GABRR2: variants seen among roughly 807,000 people sequenced by gnomAD.
GABRR2 encodes gamma-aminobutyric acid receptor subunit rho-2.
A neutral mutation model predicts 47.0 loss-of-function variants in GABRR2; 36 were observed. That is an observed-to-expected ratio of 0.77 (90% CI 0.59 to 1.01). The LOEUF (loss-of-function observed/expected upper bound fraction) is 1.01. Ranked by LOEUF, GABRR2 falls within the 50% of genes least tolerant of loss-of-function variation. The pLI is 0.00. For synonymous variants in GABRR2, 204 were observed against 227.5 expected (o/e 0.90, Z 0.93); for missense variants, 587 against 594.6 (o/e 0.99, Z 0.13).
At chr6:89,274,846 C>A (rs1403147049) in intron 2 of GABRR2, among the ~76,000 whole-genome samples, 2 of 151,748 alleles carry the variant, frequency 1.3e-5, no homozygotes, top group Admixed American at 6.6e-5. Context: ...CCAGCATGGG[C>A]AATAGAGTGA....
intron 8 of GABRR2, among the ~76,000 whole-genome samples, chr6:89,259,887 T>C (rs1399748323): frequency 2.5e-4 from 37 of 147,218 alleles, no homozygotes; most frequent in Non-Finnish European, 3.4e-4. Context: ...CTCTCTCTTT[T>C]TTTTTTTTTT....
At position 89,257,592 on chromosome 6, in the gene GABRR2, G is replaced by T; in HGVS notation, c.*78C>A. The T allele has an allele frequency of 8.4e-7, 1 of 1,194,136 alleles. No individual in the cohort carries two copies. The highest frequency in any genetic ancestry group is 1.2e-6 in the Non-Finnish European group (1 of 850,242). The allele number at this position is 1,194,136 out of a possible 1,614,324, so 74.0% of individuals were successfully genotyped here. On this transcript the variant is annotated 3_prime_UTR_variant, in exon 9 of 9. Transcript: ENST00000402938. ...TGCATTGTTTGGTGAGGGGCGTGTGGTCAACAAGTCCGTCTGTCAATGACT... is the reference window on the plus strand; with the variant it reads ...TGCATTGTTTGGTGAGGGGCGTGTGTTCAACAAGTCCGTCTGTCAATGACT...
At chr6:89,298,082 G>GGAAACCCCCA (rs1774588298) in intron 2 of GABRR2, among the ~76,000 whole-genome samples, 1 of 152,080 alleles carries the variant, frequency 6.6e-6, no homozygotes, top group African/African-American at 2.4e-5. Context: ...ACGAATCCCC[G>GGAAACCCCCA]AGGAAACCCA....
chr6:89,266,826 A>G (rs1773907697), intron 6 of GABRR2, among the ~76,000 whole-genome samples: 1 of 151,418 alleles, frequency 6.6e-6, no homozygotes, highest in African/African-American at 2.4e-5. Context: ...CTCTCTCTTT[A>G]TTTTTTTGAA....
rs118059610 is a variant in GABRR2 at position 89,284,183 on chromosome 6, G to C, written c.221-12461C>G. Among the ~76,000 whole-genome samples the C allele has an allele frequency of 6.4e-3, 969 of 152,296 alleles. 9 individuals are homozygous for C. The highest frequency in any genetic ancestry group is 0.024 in the Middle Eastern group (7 of 294). Reference sequence around the variant, plus strand: ...CTTGGGAAGTACCAAGGGTACCTTGGGAGGGGGTGTGAGGGAGCCTTCTGG... The same window carrying C: ...CTTGGGAAGTACCAAGGGTACCTTGCGAGGGGGTGTGAGGGAGCCTTCTGG... On this transcript the variant is annotated intron_variant, in intron 2 of 8. Coordinates refer to ENST00000402938, the MANE Select transcript of GABRR2 (RefSeq NM_002043.5).
At chr6:89,259,057 T>G (rs944889676) in intron 8 of GABRR2, among the ~76,000 whole-genome samples, 5 of 151,940 alleles carry the variant, frequency 3.3e-5, no homozygotes, top group Non-Finnish European at 7.4e-5. Flanking sequence ...TATGACACTC[T>G]AAGTGGGAGG....
chr6:89,291,460 A>G, intron 2 of GABRR2, among the ~76,000 whole-genome samples: 1 of 151,256 alleles, frequency 6.6e-6, no homozygotes, highest in Non-Finnish European at 1.5e-5. Context: ...CCAGCTCTGC[A>G]CTCCCTCCTG....
intron 2 of GABRR2, among the ~76,000 whole-genome samples, chr6:89,282,825 T>TC (rs1190046452): frequency 2.0e-5 from 3 of 152,146 alleles, no homozygotes; most frequent in African/African-American, 7.2e-5. Context: ...CTCACCAGTC[T>TC]CCCCCTTCCA....
chr6:89,305,887 C>T (rs1441660296), intron 1 of GABRR2, among the ~76,000 whole-genome samples: 1 of 152,026 alleles, frequency 6.6e-6, no homozygotes, highest in Non-Finnish European at 1.5e-5. Context: ...ATCTGTACAA[C>T]AAACCCCTGT....
intron 8 of GABRR2, among the ~76,000 whole-genome samples, chr6:89,262,209 T>A (rs531620967): frequency 1.3e-5 from 2 of 152,282 alleles, no homozygotes; most frequent in African/African-American, 4.8e-5. Context: ...ACAGAGGCTG[T>A]TCACTTGAGT....
At chr6:89,259,859 A>C (rs1773702391) in intron 8 of GABRR2, among the ~76,000 whole-genome samples, 1 of 150,308 alleles carries the variant, frequency 6.7e-6, no homozygotes, top group Non-Finnish European at 1.5e-5. Context: ...TGGGGATAAA[A>C]GGTAAGAGGT....
chr6:89,278,416 A>G (rs1266572715), intron 2 of GABRR2, among the ~76,000 whole-genome samples: 1 of 152,200 alleles, frequency 6.6e-6, no homozygotes, highest in East Asian at 1.9e-4. Flanking sequence ...CCTTTTCTCA[A>G]TGTGTGTTAT....
chr6:89,302,155 C>G, intron 1 of GABRR2: 1 of 574,612 alleles, frequency 1.7e-6, no homozygotes, highest in Non-Finnish European at 3.4e-6. Context: ...AGTGTGAGAA[C>G]TGCGACGGTC....
At chr6:89,267,901 C>T in intron 5 of GABRR2, 82 bp from the exon 6 acceptor site, 2 of 1,585,900 alleles carry the variant, frequency 1.3e-6, no homozygotes, top group South Asian at 1.1e-5. Flanking sequence ...TATGCCAGTC[C>T]AGAAGTAAAT....
intron 2 of GABRR2, 64 bp from the exon 3 acceptor site, chr6:89,271,786 C>A: frequency 1.4e-6 from 2 of 1,443,642 alleles, no homozygotes. Flanking sequence ...TGGGAACAGC[C>A]CCAGTTGGCT....
At chr6:89,265,500 G>T in intron 7 of GABRR2, 113 bp downstream of exon 7, 1 of 1,196,950 alleles carries the variant, frequency 8.4e-7, no homozygotes, top group Non-Finnish European at 1.1e-6. Flanking sequence ...TGCTCCTTCT[G>T]ACTCTAACAG....
chr6:89,308,293 G>T lies in GABRR2; in HGVS notation c.113+6760C>A, dbSNP rs901476017. Among the ~76,000 whole-genome samples the T allele has an allele frequency of 5.9e-5, 9 of 152,216 alleles. No homozygotes were observed. The East Asian group carries it at 1.7e-3, about 29-fold the overall frequency. On this transcript the variant is annotated intron_variant, in intron 1 of 8. Transcript: ENST00000402938. ...TCAATGGGAGGCCTAAAGCTGCACTGATCAATAAAGTGGCCACTAGACACA... is the reference window on the plus strand; with the variant it reads ...TCAATGGGAGGCCTAAAGCTGCACTTATCAATAAAGTGGCCACTAGACACA...
intron 8 of GABRR2, among the ~76,000 whole-genome samples, chr6:89,260,301 GTTC>G (rs1037877179): frequency 6.0e-4 from 91 of 152,320 alleles, no homozygotes; most frequent in Non-Finnish European, 2.8e-4. Flanking sequence ...TTAAGGCACA[GTTC>G]TTCTTCTCCT....
At chr6:89,302,580 G>T in intron 1 of GABRR2, 1 of 1,047,990 alleles carries the variant, frequency 9.5e-7, no homozygotes, top group Non-Finnish European at 1.4e-6. Context: ...TTCATGCCAG[G>T]CATGAAGCCC....
Sources: gnomAD v4.1 joint callset for allele counts (sites outside exome capture counted in the v4.1 genomes callset) on GRCh38, gnomAD v4.1.1 for gene constraint, MANE v1.5 for transcripts, NCBI Gene and HGNC (gene_info 2026-07-23, HGNC 2026-07-21) for gene names.